Variants in TMEM74 observed in about 807,000 individuals in gnomAD.
TMEM74 encodes transmembrane protein 74.
A neutral mutation model predicts 18.1 loss-of-function variants in TMEM74; 13 were observed. That is an observed-to-expected ratio of 0.72 (90% confidence interval 0.47 to 1.14). The LOEUF (loss-of-function observed/expected upper bound fraction) is 1.14. TMEM74 is among the 50% of genes most tolerant of loss of function. TMEM74 has a pLI of 0.00. For missense variants in TMEM74, 372 were observed against 375.9 expected, an observed-to-expected ratio of 0.99 and a Z score of 0.09; for synonymous variants, 159 against 146.6, an observed-to-expected ratio of 1.08 and a Z score of -0.61.
intron 1 of TMEM74, among the ~76,000 whole-genome samples, chr8:108,737,837 A>T (rs561662063): frequency 6.6e-6 from 1 of 152,118 alleles, no homozygotes; most frequent in Non-Finnish European, 1.5e-5. Flanking sequence ...TCAGTTCTCA[A>T]TTCCCTGTAA....
chr8:108,614,661 G>A (rs1001023177), intron 2 of TMEM74, among the ~76,000 whole-genome samples: 1 of 152,106 alleles, frequency 6.6e-6, no homozygotes, highest in African/African-American at 2.4e-5. Context: ...TAGCTGTGGG[G>A]GGTTTTGTGA....
chr8:108,757,301 C>T (rs1319685510), intron 1 of TMEM74, among the ~76,000 whole-genome samples: 1 of 151,894 alleles, frequency 6.6e-6, no homozygotes, highest in African/African-American at 2.4e-5. Context: ...GGATCATCTT[C>T]AATGTGGATA....
Position 108,780,510 on chromosome 8 carries a change from T to C in TMEM74, c.*3671A>G, listed in dbSNP as rs544018594. On this transcript the variant is annotated 3_prime_UTR_variant, in exon 2 of 2. Coordinates refer to ENST00000297459, the MANE Select transcript of TMEM74 (RefSeq NM_153015.3). ...ATCAAGATTAAGTCACCCCTTATAC[T>C]GGGGGGACTGAGGTAAAGGCACACA... Among the ~76,000 whole-genome samples, 1 of 152,152 alleles carries C rather than the reference T, an allele frequency of 6.6e-6. No homozygotes were observed. The highest frequency in any genetic ancestry group is 1.5e-5 in the Non-Finnish European group (1 of 68,010).
chr8:108,608,326 A>C (rs965633305), intron 3 of TMEM74, among the ~76,000 whole-genome samples: 2 of 151,492 alleles, frequency 1.3e-5, no homozygotes, highest in African/African-American at 4.8e-5. Context: ...AAAAAAAGAA[A>C]AAAAAAGAAC....
chr8:108,731,891 A>C (rs932626385), intron 1 of TMEM74, among the ~76,000 whole-genome samples: 3 of 152,096 alleles, frequency 2.0e-5, no homozygotes, highest in Non-Finnish European at 4.4e-5. Flanking sequence ...TCTACACCAC[A>C]TAAAACAGGA....
At chr8:108,733,542 A>G (rs1048063248) in intron 1 of TMEM74, among the ~76,000 whole-genome samples, 37 of 152,162 alleles carry the variant, frequency 2.4e-4, no homozygotes, top group Non-Finnish European at 1.0e-4. Context: ...GGTGTTGGAA[A>G]TGTTGCATGT....
chr8:108,773,114 C>T lies in TMEM74; in HGVS notation n.119+14362G>A, dbSNP rs202022230. ...TGAAAAGGAGAGGAAGAGACTAGAA[C>T]TGGAAGTTTTCCTCGAAATCATGAT... On this transcript the variant is annotated intron_variant and non_coding_transcript_variant, in intron 1 of 3. Coordinates refer to the TMEM74 transcript ENST00000518838. Among the ~76,000 whole-genome samples, 7 of 152,160 alleles carry T rather than the reference C, an allele frequency of 4.6e-5. No individual in the cohort carries two copies. The East Asian group carries it at 1.4e-3, about 29-fold the overall frequency.
At chr8:108,677,621 T>C (rs1232395076) in intron 1 of TMEM74, among the ~76,000 whole-genome samples, 1 of 151,828 alleles carries the variant, frequency 6.6e-6, no homozygotes, top group Non-Finnish European at 1.5e-5. Flanking sequence ...TGCCTCAAAC[T>C]TGACTGTTTT....
chr8:108,617,226 G>A (rs1350620167), intron 2 of TMEM74, among the ~76,000 whole-genome samples: 1 of 151,898 alleles, frequency 6.6e-6, no homozygotes, highest in Non-Finnish European at 1.5e-5. Flanking sequence ...GAGCCAATGT[G>A]GGTGAGGTTT....
chr8:108,698,710 A>G (rs1000010465), intron 1 of TMEM74, among the ~76,000 whole-genome samples: 6 of 152,190 alleles, frequency 3.9e-5, no homozygotes. Flanking sequence ...ACCATTTCAT[A>G]CCCTCTGTCA....
At chr8:108,690,942 A>G (rs1050704659) in intron 1 of TMEM74, among the ~76,000 whole-genome samples, 3 of 152,226 alleles carry the variant, frequency 2.0e-5, no homozygotes, top group Admixed American at 1.3e-4. Flanking sequence ...AGGAGCTCAC[A>G]AAGTTAATGA....
chr8:108,611,045 A>C (rs773899669), intron 2 of TMEM74, among the ~76,000 whole-genome samples: 1 of 152,180 alleles, frequency 6.6e-6, no homozygotes, highest in Non-Finnish European at 1.5e-5. Flanking sequence ...AATATACTAC[A>C]TTCTATGTGG....
In TMEM74 at chr8:108,782,860, G is replaced by C. The variant is rs1310213282; in HGVS notation, c.*1321C>G. On this transcript the variant is annotated 3_prime_UTR_variant, in exon 2 of 2. Coordinates refer to ENST00000297459, the MANE Select transcript of TMEM74 (RefSeq NM_153015.3). The stretch of plus-strand genomic sequence containing the variant: ...TTGCAAAATGTAAGGTATTTCTGAG[G>C]CTGCATTTCCCATCCCTTTTCTGAA... 6.6e-6 allele frequency among the ~76,000 whole-genome samples: 1 copy of C among 152,136 alleles called. No individual in the cohort carries two copies. The highest frequency in any genetic ancestry group is 1.5e-5 in the Non-Finnish European group (1 of 68,030).
At chr8:108,620,830 T>C (rs1161846541) in intron 2 of TMEM74, among the ~76,000 whole-genome samples, 1 of 152,128 alleles carries the variant, frequency 6.6e-6, no homozygotes, top group Non-Finnish European at 1.5e-5. Context: ...AGGTTCTTAG[T>C]AAGAGTAAAG....
intron 1 of TMEM74, among the ~76,000 whole-genome samples, chr8:108,766,541 T>A (rs1758871182): frequency 6.6e-6 from 1 of 152,176 alleles, no homozygotes; most frequent in Non-Finnish European, 1.5e-5. Flanking sequence ...TGGGCCACCA[T>A]AAAATGTGCC....
At chr8:108,623,141 T>C (rs991610533) in intron 2 of TMEM74, among the ~76,000 whole-genome samples, 3 of 152,086 alleles carry the variant, frequency 2.0e-5, no homozygotes, top group Non-Finnish European at 2.9e-5. Context: ...TGTTTAGAAA[T>C]AGTTAAGTGT....
chr8:108,668,727 A>G (rs1170166467), intron 1 of TMEM74, among the ~76,000 whole-genome samples: 6 of 152,176 alleles, frequency 3.9e-5, no homozygotes, highest in Admixed American at 3.3e-4. Context: ...AGCACCTGAT[A>G]TATCGGGGAA....
In TMEM74 at chr8:108,719,075, G is replaced by A. The variant is rs185580685; in HGVS notation, n.120-63638C>T. Among the ~76,000 whole-genome samples the A allele has an allele frequency of 3.6e-3, 551 of 151,840 alleles. 3 individuals are homozygous for A. Among genetic ancestry groups the A allele is most frequent in the African/African-American group, 0.012 (504 of 41,418 alleles). On this transcript the variant is annotated intron_variant and non_coding_transcript_variant, in intron 1 of 3. Coordinates refer to the TMEM74 transcript ENST00000518838. ...GATAAAAATTACATAAATCATTAAT[G>A]CATATTTTGAGAGTAAACTCAATTA... is the stretch of plus-strand genomic sequence containing the variant.
At chr8:108,704,389 C>A (rs952461821) in intron 1 of TMEM74, among the ~76,000 whole-genome samples, 3 of 152,218 alleles carry the variant, frequency 2.0e-5, no homozygotes, top group Non-Finnish European at 2.9e-5. Flanking sequence ...ACCTTGAGAA[C>A]CCAATGCAGG....
Sources: allele counts gnomAD v4.1 joint callset (sites outside exome capture counted in the v4.1 genomes callset), GRCh38; gene constraint gnomAD v4.1.1; transcripts MANE v1.5; gene names NCBI Gene and HGNC (gene_info 2026-07-23, HGNC 2026-07-21).